The following RAB11FIP3 variants were observed in gnomAD, a reference collection of about 807,000 sequenced individuals.
RAB11FIP3 encodes the protein rab11 family-interacting protein 3.
A neutral mutation model predicts 77.8 loss-of-function variants in RAB11FIP3; 17 were observed. The ratio of observed to expected loss-of-function variants is 0.22; its 90% CI spans 0.15 to 0.33. The LOEUF (loss-of-function observed/expected upper bound fraction) is 0.33. Ranked by LOEUF, RAB11FIP3 falls within the 10% of genes least tolerant of loss-of-function variation. RAB11FIP3 has a pLI of 1.00. For missense variants in RAB11FIP3, 1,005 were observed against 1,011.2 expected (o/e 0.99, Z 0.08); for synonymous variants, 437 against 448.2 (o/e 0.98, Z 0.31).
Position 471,421 on chromosome 16 carries a change from A to C in RAB11FIP3, c.903+32A>C, listed in dbSNP as rs763941923. ...GGTTTTCACCCAGGAGCTTGGGGGA[A>C]GTCTGGCATCCACCTCTTCCTTTAT... On this transcript the variant is annotated intron_variant, in intron 3 of 13. Transcript: ENST00000262305. This position sits in a 1 kb window ranked among gnomAD's most constrained non-coding sequence, Gnocchi z 4.4. The C allele has an allele frequency of 5.9e-6, 9 of 1,525,304 alleles. No homozygotes were observed. Among genetic ancestry groups the C allele is most frequent in the Admixed American group, 1.8e-5 (1 of 56,174 alleles). 94.5% of individuals were successfully genotyped at this position (1,525,304 alleles called of 1,614,324 possible). A position where few individuals can be genotyped will look rare whatever the true frequency, so the allele number is the denominator to read the frequency against.
chr16:425,952 C>T lies in RAB11FIP3; in HGVS notation c.-55C>T, dbSNP rs578216225. 1,341 of 776,226 alleles carry T rather than the reference C, an allele frequency of 1.7e-3. 17 individuals are homozygous for T. In the African/African-American group the frequency reaches 0.025, roughly 15 times the overall value. 48.1% of individuals were successfully genotyped at this position (776,226 alleles called of 1,614,324 possible). On this transcript the variant is annotated 5_prime_UTR_variant, in exon 1 of 14. Coordinates refer to ENST00000262305, the MANE Select transcript of RAB11FIP3 (RefSeq NM_014700.4). The stretch of plus-strand genomic sequence containing the variant: ...GGATGCCCGCGCCCGCCGCCGCGCC[C>T]TGAGCGCCTTTGTCTGCCGCCCGCG...
In RAB11FIP3 at chr16:426,422, A is replaced by C; in HGVS notation, c.416A>C (p.Glu139Ala). ...GAGTGTGGCCCCGCGAGCTGCCCGG[A>C]GAGCGCGCCTTTCCGCTTGCAGGGG... ...PEECGPASCP[E>A]SAPFRLQGSS... Residue 139 changes from glutamate (E) to alanine (A), a missense_variant, in exon 1 of 14, where the codon GAG becomes GCG. Coordinates refer to ENST00000262305, the MANE Select transcript of RAB11FIP3 (RefSeq NM_014700.4). The surrounding 1 kb of genome is among the most constrained non-coding windows in gnomAD (Gnocchi z 5.0). 1 of 1,584,372 alleles carries C rather than the reference A, an allele frequency of 6.3e-7. No individual in the cohort carries two copies. The highest frequency in any genetic ancestry group is 1.1e-5 in the South Asian group (1 of 87,222).
chr16:427,119 C>G (rs540799428), intron 1 of RAB11FIP3, among the ~76,000 whole-genome samples: 1 of 152,290 alleles, frequency 6.6e-6, no homozygotes, highest in Admixed American at 6.5e-5. Flanking sequence ...AGATACTGCT[C>G]GGCTGAATTC....
chr16:426,937 G>C lies in RAB11FIP3; in HGVS notation c.714+217G>C, dbSNP rs1161630596. 6.6e-6 allele frequency among the ~76,000 whole-genome samples: 1 copy of C among 152,170 alleles called. No individual in the cohort carries two copies. The highest frequency in any genetic ancestry group is 1.5e-5 in the Non-Finnish European group (1 of 68,024). ...CCTTCTTAAAAGGAGGTTCTATTCT[G>C]GGGAGTCAGTTTCTTCCCCTCCCCC... On this transcript the variant is annotated intron_variant, in intron 1 of 13. Transcript: ENST00000262305. This position sits in a 1 kb window ranked among gnomAD's most constrained non-coding sequence, Gnocchi z 5.0.
chr16:457,173 C>T (rs2055517876), intron 1 of RAB11FIP3, among the ~76,000 whole-genome samples: 1 of 152,140 alleles, frequency 6.6e-6, no homozygotes, highest in African/African-American at 2.4e-5. Context: ...AGCCATAATA[C>T]AGTGTGTTAT....
chr16:449,671 G>T (rs1199153621), intron 1 of RAB11FIP3, among the ~76,000 whole-genome samples: 1 of 150,850 alleles, frequency 6.6e-6, no homozygotes, highest in Non-Finnish European at 1.5e-5. Context: ...AAAGTTTTAG[G>T]CCGGGTGCAG....
intron 6 of RAB11FIP3, among the ~76,000 whole-genome samples, chr16:500,534 A>G (rs537964166): frequency 1.4e-3 from 211 of 151,686 alleles, no homozygotes; most frequent in African/African-American, 4.7e-3. Flanking sequence ...AAACAATACA[A>G]AAAGTTAGCT....
intron 1 of RAB11FIP3, among the ~76,000 whole-genome samples, chr16:458,267 G>C (rs2055536692): frequency 1.3e-5 from 2 of 152,240 alleles, no homozygotes; most frequent in Non-Finnish European, 2.9e-5. Context: ...CTGACCACGT[G>C]CTACACCCCC....
chr16:520,569 T>C lies in RAB11FIP3; in HGVS notation c.2127T>C (p.Ala709=). 6.2e-7 allele frequency: 1 copy of C among 1,613,648 alleles called. No homozygotes were observed. Among genetic ancestry groups the C allele is most frequent in the Non-Finnish European group, 8.5e-7 (1 of 1,180,018 alleles). Residue 709 remains alanine, a synonymous_variant, in exon 13 of 14, where the codon GCT becomes GCC. Transcript: ENST00000262305. ...CCACAGCCTTCTCTGAGTCCCTGGC[T>C]GCAGAGATCAGCTCCGTCTCCCGAG... The part of the protein sequence containing the change: ...LFSTAFSESL[A]AEISSVSRDE...
At chr16:519,402 C>T (rs894608916) in intron 10 of RAB11FIP3, among the ~76,000 whole-genome samples, 1 of 152,248 alleles carries the variant, frequency 6.6e-6, no homozygotes. Context: ...CTCTGGGAAG[C>T]TCCCAGGAAG....
intron 5 of RAB11FIP3, among the ~76,000 whole-genome samples, chr16:489,475 C>G (rs1453619596): frequency 3.3e-5 from 5 of 152,122 alleles, no homozygotes; most frequent in Non-Finnish European, 7.4e-5. Context: ...CAGAGTCACT[C>G]TAGGGAGTCC....
chr16:444,094 TTCTC>T (rs2055272634), intron 1 of RAB11FIP3, among the ~76,000 whole-genome samples: 1 of 152,200 alleles, frequency 6.6e-6, no homozygotes, highest in African/African-American at 2.4e-5. Flanking sequence ...AGGCCTCTCT[TTCTC>T]AACCTGTGCA....
rs2054928546 is a variant in RAB11FIP3, at chr16:425,815, C to T, written c.-192C>T. ...CATGGGCCTGCGCCCGCCGCGCCGC[C>T]GGGCCGAGGGCAGCTGAGGCGCGGT... On this transcript the variant is annotated 5_prime_UTR_variant, in exon 1 of 14. Transcript: ENST00000262305. 1 of 322,758 alleles carries T rather than the reference C, an allele frequency of 3.1e-6. No homozygotes were observed. The allele number at this position is 322,758 out of a possible 1,614,324, so 20.0% of individuals were successfully genotyped here.
intron 1 of RAB11FIP3, among the ~76,000 whole-genome samples, chr16:450,457 G>A (rs2055388663): frequency 6.6e-6 from 1 of 152,208 alleles, no homozygotes; most frequent in Admixed American, 6.5e-5. Flanking sequence ...TGGGATGACA[G>A]ATGTGACCCA....
intron 1 of RAB11FIP3, among the ~76,000 whole-genome samples, chr16:453,875 G>A (rs187693464): frequency 6.6e-6 from 1 of 152,064 alleles, no homozygotes; most frequent in Non-Finnish European, 1.5e-5. Flanking sequence ...GATTACAGAC[G>A]TGAGCCACCA....
At chr16:512,896 G>C (rs142241994) in intron 9 of RAB11FIP3, among the ~76,000 whole-genome samples, 84 of 151,876 alleles carry the variant, frequency 5.5e-4, no homozygotes, top group African/African-American at 1.8e-3. Context: ...GGCCCAGGCT[G>C]GTCTTGAACT....
intron 12 of RAB11FIP3, 64 bp downstream of exon 12, chr16:520,341 A>AG (rs2032625651): frequency 8.9e-6 from 14 of 1,567,554 alleles, no homozygotes; most frequent in Middle Eastern, 1.8e-4. Context: ...CTGGTTGGGA[A>AG]GGGGGGGCCG....
intron 4 of RAB11FIP3, among the ~76,000 whole-genome samples, chr16:487,357 C>G (rs1230494175): frequency 6.6e-6 from 1 of 152,150 alleles, no homozygotes; most frequent in Non-Finnish European, 1.5e-5. Context: ...GTCTCGATCT[C>G]CTGATCTGCC....
chr16:518,803 A>G (rs566435877), intron 9 of RAB11FIP3, 140 bp from the exon 10 acceptor site: 8 of 741,958 alleles, frequency 1.1e-5, no homozygotes, highest in Non-Finnish European at 1.7e-5. Context: ...GGGTGGGCAC[A>G]TAAGGATTGG....
Sources: gnomAD v4.1 joint callset for allele counts (sites outside exome capture counted in the v4.1 genomes callset) on GRCh38, gnomAD v4.1.1 for gene constraint, Gnocchi (gnomAD v3.1) non-coding constraint, MANE v1.5 for transcripts, NCBI Gene and HGNC (gene_info 2026-07-23, HGNC 2026-07-21) for gene names.